The following MARCHF3 variants were observed in gnomAD, a reference collection of about 807,000 sequenced individuals.
The protein encoded by MARCHF3 is E3 ubiquitin-protein ligase MARCHF3.
MARCHF3 carries 13 observed loss-of-function variants against 24.2 expected under a neutral mutation model. The ratio of observed to expected loss-of-function variants is 0.54; its 90% CI spans 0.35 to 0.85. The LOEUF (loss-of-function observed/expected upper bound fraction) is 0.85, where lower values mean the gene tolerates loss of function less well. Among genes scored for constraint, MARCHF3 ranks in the 40% least tolerant of loss-of-function variants. MARCHF3 has a pLI of 0.01. For synonymous variants in MARCHF3, 144 were observed against 137.3 expected (o/e 1.05, Z -0.34); for missense variants, 276 against 325.0 (o/e 0.85, Z 1.16).
chr5:126,942,399 T>C (rs892658056), intron 1 of MARCHF3, among the ~76,000 whole-genome samples: 3 of 152,108 alleles, frequency 2.0e-5, no homozygotes, highest in Non-Finnish European at 4.4e-5. Context: ...AAATTTTGGA[T>C]ATTAAAATTC....
intron 1 of MARCHF3, among the ~76,000 whole-genome samples, chr5:126,988,284 T>C (rs911880924): frequency 6.6e-6 from 1 of 152,128 alleles, no homozygotes; most frequent in Non-Finnish European, 1.5e-5. Flanking sequence ...TTCCTATTCA[T>C]AGGCAGCAAT....
intron 3 of MARCHF3, among the ~76,000 whole-genome samples, chr5:126,892,459 T>G (rs1208539806): frequency 6.1e-5 from 9 of 147,790 alleles, no homozygotes; most frequent in East Asian, 2.0e-4. Flanking sequence ...TTGAGATACG[T>G]CCCATCAATA....
At chr5:126,915,212 C>CTTTGG (rs1754685718) in intron 2 of MARCHF3, 78 bp from the exon 3 acceptor site, 1 of 1,422,310 alleles carries the variant, frequency 7.0e-7, no homozygotes, top group Non-Finnish European at 9.7e-7. Context: ...AGCTCTTGTC[C>CTTTGG]TTTGGGCCCT....
intron 3 of MARCHF3, among the ~76,000 whole-genome samples, chr5:126,895,286 G>A (rs557905876): frequency 2.0e-4 from 30 of 152,128 alleles, no homozygotes; most frequent in African/African-American, 5.8e-4. Context: ...TAATTTGATC[G>A]TCTGAAGCCT....
At chr5:126,994,261 G>C (rs1219984336) in intron 1 of MARCHF3, among the ~76,000 whole-genome samples, 3 of 152,124 alleles carry the variant, frequency 2.0e-5, no homozygotes, top group Admixed American at 6.6e-5. Context: ...GACTCAAAAG[G>C]CTACATATGA....
At chr5:126,899,511 T>C (rs899193856) in intron 3 of MARCHF3, among the ~76,000 whole-genome samples, 4 of 152,066 alleles carry the variant, frequency 2.6e-5, no homozygotes, top group African/African-American at 9.7e-5. Flanking sequence ...TCCTAAGGAA[T>C]TGGTAACATA....
At chr5:127,009,709 C>T (rs1752420401) in intron 1 of MARCHF3, among the ~76,000 whole-genome samples, 1 of 152,186 alleles carries the variant, frequency 6.6e-6, no homozygotes, top group African/African-American at 2.4e-5. Flanking sequence ...ACTCTGCCCC[C>T]ACAAAATCTT....
intron 1 of MARCHF3, among the ~76,000 whole-genome samples, chr5:127,006,737 C>A: frequency 6.6e-6 from 1 of 152,110 alleles, no homozygotes; most frequent in East Asian, 1.9e-4. Flanking sequence ...CTGTGAGGTA[C>A]AAAAGATTTT....
At chr5:127,024,414 G>A (rs1199184618) in intron 1 of MARCHF3, among the ~76,000 whole-genome samples, 3 of 152,138 alleles carry the variant, frequency 2.0e-5, no homozygotes, top group Non-Finnish European at 4.4e-5. Context: ...GAAAAGTGTG[G>A]TCCCTTGCCT....
intron 3 of MARCHF3, among the ~76,000 whole-genome samples, chr5:126,903,547 T>G (rs1017020308): frequency 6.6e-6 from 1 of 152,026 alleles, no homozygotes; most frequent in Non-Finnish European, 1.5e-5. Flanking sequence ...AAACTCATAG[T>G]TTTACTTCAA....
chr5:126,897,045 A>ATTTTTTTTTTT (rs759577287), intron 3 of MARCHF3, among the ~76,000 whole-genome samples: 1 of 116,446 alleles, frequency 8.6e-6, no homozygotes, highest in East Asian at 3.0e-4. Flanking sequence ...AAGTTTGAGA[A>ATTTTTTTTTTT]TTTTTTTTTT....
intron 4 of MARCHF3, among the ~76,000 whole-genome samples, chr5:126,874,613 A>C (rs111594855): frequency 0.03 from 4,524 of 151,292 alleles, 221 homozygotes; most frequent in African/African-American, 0.1. Flanking sequence ...AAGTCACAGA[A>C]GGCTTTGGGA....
chr5:127,024,020 C>T (rs1464013630), intron 1 of MARCHF3, among the ~76,000 whole-genome samples: 2 of 152,108 alleles, frequency 1.3e-5, no homozygotes, highest in Non-Finnish European at 2.9e-5. Flanking sequence ...AGTCAGCTGC[C>T]TTTTCAAGAT....
In MARCHF3 at chr5:126,909,537, A is replaced by C. The variant is rs543004558; in HGVS notation, c.393+5393T>G. Among the ~76,000 whole-genome samples the C allele has an allele frequency of 7.9e-5, 12 of 152,334 alleles. No individual in the cohort carries two copies. The East Asian group carries it at 2.1e-3, about 27-fold the overall frequency. ...TAATCTCCTGGTGCGCTGTTTTTTA[A>C]GCCCATCGGAAAATCGCAGTATTCG... On this transcript the variant is annotated intron_variant, in intron 3 of 4. Coordinates refer to ENST00000308660, the MANE Select transcript of MARCHF3 (RefSeq NM_178450.5).
intron 1 of MARCHF3, among the ~76,000 whole-genome samples, chr5:126,981,600 A>T (rs1230278790): frequency 1.3e-5 from 2 of 152,250 alleles, no homozygotes; most frequent in African/African-American, 4.8e-5. Context: ...GGGAAATACT[A>T]AACACAGTGT....
intron 1 of MARCHF3, among the ~76,000 whole-genome samples, chr5:127,021,640 C>T (rs1752808233): frequency 6.6e-6 from 1 of 152,100 alleles, no homozygotes; most frequent in Non-Finnish European, 1.5e-5. Context: ...GAAATTCATT[C>T]AATGTAAGGA....
intron 3 of MARCHF3, among the ~76,000 whole-genome samples, chr5:126,905,615 TTGTC>T (rs1350980101): frequency 6.6e-6 from 1 of 151,996 alleles, no homozygotes; most frequent in East Asian, 1.9e-4. Flanking sequence ...GGCTCTCTGT[TTGTC>T]TGTTGTTAGT....
intron 1 of MARCHF3, among the ~76,000 whole-genome samples, chr5:126,985,244 T>C (rs183844605): frequency 2.0e-5 from 3 of 152,266 alleles, no homozygotes; most frequent in East Asian, 1.9e-4. Flanking sequence ...AGGATTTACA[T>C]TGAAATGCTG....
chr5:126,974,528 G>A (rs917043739), intron 1 of MARCHF3, among the ~76,000 whole-genome samples: 2 of 152,198 alleles, frequency 1.3e-5, no homozygotes, highest in African/African-American at 4.8e-5. Context: ...TCTTGCCCTT[G>A]TATTTTGTTC....
Sources: allele counts gnomAD v4.1 joint callset (sites outside exome capture counted in the v4.1 genomes callset), GRCh38; gene constraint gnomAD v4.1.1; transcripts MANE v1.5; gene names NCBI Gene and HGNC (gene_info 2026-07-23, HGNC 2026-07-21).